Variants in GSDMD observed in about 807,000 individuals in gnomAD.
GSDMD encodes gasdermin-D.
Under a neutral mutation model 46.7 loss-of-function variants are expected in GSDMD, and 46 were observed. The observed-to-expected ratio is 0.99, with a 90% CI of 0.78 to 1.26. The LOEUF is 1.26. Among genes scored for constraint, GSDMD ranks in the 50% most tolerant of loss-of-function variants. GSDMD has a pLI of 0.00. For synonymous variants in GSDMD, 307 were observed against 283.1 expected, an observed-to-expected ratio of 1.08 and a Z score of -0.85; for missense variants, 649 against 638.8, an observed-to-expected ratio of 1.02 and a Z score of -0.17.
At chr8:143,562,412 C>A in intron 9 of GSDMD, 36 bp from the exon 10 acceptor site, 2 of 1,580,132 alleles carry the variant, frequency 1.3e-6, no homozygotes, top group South Asian at 1.1e-5. Context: ...TCCCGGTGGG[C>A]GTTCAGAAAC....
chr8:143,561,297 T>C, intron 5 of GSDMD, 73 bp from the exon 6 acceptor site: 1 of 1,436,352 alleles, frequency 7.0e-7, no homozygotes, highest in Non-Finnish European at 9.5e-7. Flanking sequence ...GGGGAGCTCC[T>C]AGTAGGGGAG....
intron 3 of GSDMD, 180 bp downstream of exon 3, chr8:143,560,149 C>T (rs1314781888): frequency 1.4e-6 from 1 of 720,996 alleles, no homozygotes; most frequent in Non-Finnish European, 2.5e-6. Flanking sequence ...GCTGGGATTA[C>T]AGGGGTGAGC....
At chr8:143,556,655 C>T (rs1048481360), upstream of GSDMD, among the ~76,000 whole-genome samples, 3 of 152,170 alleles carry the variant, frequency 2.0e-5, no homozygotes, top group Admixed American at 1.3e-4. Flanking sequence ...GGAGTGGGGC[C>T]GAAGCCCAAG....
At chr8:143,553,552 G>GC (rs1823248771), upstream of GSDMD, 2 of 146,800 alleles carry the variant, frequency 1.4e-5, no homozygotes, top group Non-Finnish European at 3.0e-5. Flanking sequence ...GGGGACGGAG[G>GC]CGCTCGCCCT....
upstream of GSDMD, among the ~76,000 whole-genome samples, chr8:143,557,406 C>CTGCCGCTATGATGAAGGA (rs1563902853): frequency 1.9e-5 from 2 of 107,582 alleles, no homozygotes; most frequent in African/African-American, 3.4e-5. Context: ...GTGACGACAG[C>CTGCCGCTATGATGAAGGA]TGCTGCCGCT....
chr8:143,554,407 C>T (rs999497824), upstream of GSDMD, among the ~76,000 whole-genome samples: 9 of 148,640 alleles, frequency 6.1e-5, no homozygotes, highest in Admixed American at 4.0e-4. Flanking sequence ...AACGCGCACA[C>T]GTACGTGTAT....
chr8:143,560,849 C>T, intron 4 of GSDMD, 78 bp downstream of exon 4: 1 of 1,440,592 alleles, frequency 6.9e-7, no homozygotes, highest in Non-Finnish European at 9.2e-7. Context: ...GCGGGCTGGG[C>T]TCCGCCAAGG....
Position 143,562,497 on chromosome 8 carries a change from G to A in GSDMD, c.1188G>A (p.Gln396=), listed in dbSNP as rs1256240792. 1.9e-6 allele frequency: 3 copies of A among 1,608,240 alleles called. No individual in the cohort carries two copies. Among genetic ancestry groups the A allele is most frequent in the Non-Finnish European group, 2.5e-6 (3 of 1,179,652 alleles). ...TGCTGGCGGAGGCGCTGGAGTCGCA[G>A]ACCCTGTTGGGGCCGCTCGAGCTGG... ...HKLLAEALES[Q]TLLGPLELVG... is the part of the protein sequence containing the mutation. The change falls in exon 10 of 11, where the codon CAG becomes CAA. Residue 396 remains glutamine (Q), a synonymous_variant. Transcript: ENST00000262580.
chr8:143,557,877 A>G, upstream of GSDMD: 1 of 428,292 alleles, frequency 2.3e-6, no homozygotes, highest in Non-Finnish European at 4.6e-6. Context: ...ACCCTTCGGC[A>G]CAGGCCCAAA....
Position 143,563,013 on chromosome 8 carries a change from A to C in GSDMD, c.*109A>C. The C allele has an allele frequency of 7.5e-7, 1 of 1,339,234 alleles. No homozygotes were observed. The highest frequency in any genetic ancestry group is 2.0e-4 in the Middle Eastern group (1 of 4,982). 83.0% of individuals were successfully genotyped at this position (1,339,234 alleles called of 1,614,324 possible). ...CCAGTAGCCATGTGGCCAGTCTACCATGGGGCCCAGGAGTTGGGGAAACAC... is the reference window on the plus strand; with the variant it reads ...CCAGTAGCCATGTGGCCAGTCTACCCTGGGGCCCAGGAGTTGGGGAAACAC... On this transcript the variant is annotated 3_prime_UTR_variant, in exon 11 of 11. Coordinates refer to ENST00000262580, the MANE Select transcript of GSDMD (RefSeq NM_024736.7).
chr8:143,558,704 C>T (rs933356642), intron 1 of GSDMD: 14 of 585,536 alleles, frequency 2.4e-5, no homozygotes, highest in Non-Finnish European at 3.0e-5. Context: ...GTGCTGTTCC[C>T]GCCCCCAGCT....
chr8:143,560,481 G>A (rs1823425981), intron 3 of GSDMD, 122 bp from the exon 4 acceptor site: 1 of 1,072,340 alleles, frequency 9.3e-7, no homozygotes. Context: ...CGGTGCCCCG[G>A]CACCCACAGA....
Position 143,561,991 on chromosome 8 carries a change from G to A in GSDMD, c.856G>A (p.Asp286Asn), listed in dbSNP as rs775546175. Residue 286 changes from aspartate (D) to asparagine (N), a missense_variant, in exon 8 of 11, where the codon GAC becomes AAC. By Grantham distance (23) the Asp-to-Asn change is conservative (BLOSUM62 1). Transcript: ENST00000262580. ...CCCTGCGGAGGGGGCGTTCACTGAA[G>A]ACTTCCAGGGCCTACGGGCAGAGGT... is the stretch of plus-strand genomic sequence containing the variant. ...GVPAEGAFTEDFQGLRAEVET... is the reference protein window; with the variant it reads ...GVPAEGAFTENFQGLRAEVET... 70 of 1,607,460 alleles carry A rather than the reference G, an allele frequency of 4.4e-5. 2 individuals carry two copies. In the South Asian group the frequency reaches 7.6e-4, roughly 17 times the overall value.
In GSDMD at chr8:143,559,324, C is replaced by T. The variant is rs1823391090; in HGVS notation, c.-4-8C>T. 2 of 1,597,628 alleles carry T rather than the reference C, an allele frequency of 1.3e-6. No individual in the cohort carries two copies. Among genetic ancestry groups the T allele is most frequent in the Admixed American group, 3.4e-5 (2 of 59,238 alleles). ...GAGCACAATGCCTGACCCATTTCCCCTCCTCAGGAGCATGGGGTCGGCCTT... is the reference window on the plus strand; with the variant it reads ...GAGCACAATGCCTGACCCATTTCCCTTCCTCAGGAGCATGGGGTCGGCCTT... On this transcript the variant is annotated splice_polypyrimidine_tract_variant and splice_region_variant and intron_variant, in intron 1 of 10. Transcript: ENST00000262580.
At chr8:143,558,062 T>G, upstream of GSDMD, 6 of 402,526 alleles carry the variant, frequency 1.5e-5, no homozygotes, top group Non-Finnish European at 2.4e-5. Flanking sequence ...GCCGGGCTAA[T>G]TTTGTATTTT....
At position 143,559,856 on chromosome 8, in the gene GSDMD, A is replaced by G. The variant is rs758366376; in HGVS notation, c.297A>G (p.Pro99=). The change falls in exon 3 of 11, where the codon CCA becomes CCG. Residue 99 remains proline, a synonymous_variant. Coordinates refer to ENST00000262580, the MANE Select transcript of GSDMD (RefSeq NM_024736.7). ...AGGGCAGCGTGGAGCTGGCAGCCCC[A>G]GGACAGGCAAAGATCGCAGGCGGGG... ...QIQGSVELAA[P]GQAKIAGGAA... is the part of the protein sequence containing the mutation. 7 of 1,612,776 alleles carry G rather than the reference A, an allele frequency of 4.3e-6. No homozygotes were observed. Among genetic ancestry groups the G allele is most frequent in the Admixed American group, 1.7e-5 (1 of 60,010 alleles).
Position 143,559,492 on chromosome 8 carries a change from C to T in GSDMD, c.157C>T (p.Arg53Cys), listed in dbSNP as rs577475751. The T allele has an allele frequency of 2.5e-6, 4 of 1,612,918 alleles. No homozygotes were observed. Among genetic ancestry groups the T allele is most frequent in the South Asian group, 2.2e-5 (2 of 91,088 alleles). Residue 53 changes from arginine (R) to cysteine (C), a missense_variant, in exon 2 of 11, where the codon CGT becomes TGT. Physicochemically the swap from Arg to Cys is radical, Grantham distance 180 (BLOSUM62 -3). Coordinates refer to ENST00000262580, the MANE Select transcript of GSDMD (RefSeq NM_024736.7). ...KPSSSWFWKP[R>C]YKCVNLSIKD... ...CTCAAGCTCATGGTTCTGGAAACCC[C>T]GTTATAAGTGTGTCAACCTGTCTAT...
In GSDMD at chr8:143,562,353, G is replaced by A. The variant is rs755482206; in HGVS notation, c.1138+3G>A. 2.6e-6 allele frequency: 4 copies of A among 1,547,460 alleles called. No individual in the cohort carries two copies. The South Asian group carries it at 3.6e-5, about 14-fold the overall frequency. ...CTACCTGCTGGGGGCACTGACCAGT[G>A]AGCGGCCGCTGGGGGCAGGTGGCGG... is the stretch of plus-strand genomic sequence containing the variant. On this transcript the variant is annotated splice_donor_region_variant and intron_variant, in intron 9 of 10. Coordinates refer to ENST00000262580, the MANE Select transcript of GSDMD (RefSeq NM_024736.7).
At chr8:143,559,169 G>C (rs1041379722) in intron 1 of GSDMD, 163 bp from the exon 2 acceptor site, 4 of 607,662 alleles carry the variant, frequency 6.6e-6, no homozygotes, top group Non-Finnish European at 1.2e-5. Context: ...GAGGGCCGGG[G>C]ACAGAAGCTT....
Sources: allele counts gnomAD v4.1 joint callset (sites outside exome capture counted in the v4.1 genomes callset), GRCh38; gene constraint gnomAD v4.1.1; transcripts MANE v1.5; gene names NCBI Gene and HGNC (gene_info 2026-07-23, HGNC 2026-07-21).